Variants in RGL1 observed in about 807,000 individuals in gnomAD.
The protein encoded by RGL1 is ral guanine nucleotide dissociation stimulator-like 1.
Under a neutral mutation model 95.2 loss-of-function variants are expected in RGL1, and 24 were observed. The ratio of observed to expected loss-of-function variants is 0.25; its 90% CI spans 0.18 to 0.35. The LOEUF (loss-of-function observed/expected upper bound fraction) is 0.35, where lower values mean the gene tolerates loss of function less well. RGL1 is among the 10% of genes least tolerant of loss of function. RGL1 has a pLI of 1.00. For missense variants in RGL1, 715 were observed against 936.3 expected (o/e 0.76, Z 3.08); for synonymous variants, 329 against 344.9 (o/e 0.95, Z 0.51).
At chr1:183,728,791 T>G (rs913039454) in intron 1 of RGL1, among the ~76,000 whole-genome samples, 1 of 152,170 alleles carries the variant, frequency 6.6e-6, no homozygotes, top group African/African-American at 2.4e-5. Flanking sequence ...TTTTGACACA[T>G]AGATCAATTA....
chr1:183,808,286 T>G (rs1661477080), intron 2 of RGL1, among the ~76,000 whole-genome samples: 1 of 152,120 alleles, frequency 6.6e-6, no homozygotes, highest in Non-Finnish European at 1.5e-5. Flanking sequence ...TTATACAGAG[T>G]TCAGAGTTAA....
intron 2 of RGL1, among the ~76,000 whole-genome samples, chr1:183,808,230 A>G (rs568891134): frequency 6.6e-6 from 1 of 152,308 alleles, no homozygotes; most frequent in East Asian, 1.9e-4. Context: ...TCTTCACTAG[A>G]CTTCACTTCT....
At position 183,884,739 on chromosome 1, in the gene RGL1, T is replaced by C; in HGVS notation, c.752T>C (p.Val251Ala). 2 of 1,614,032 alleles carry C rather than the reference T, an allele frequency of 1.2e-6. No individual in the cohort carries two copies. The highest frequency in any genetic ancestry group is 1.7e-6 in the Non-Finnish European group (2 of 1,179,924). Residue 251 changes from valine (V) to alanine (A), a missense_variant, in exon 7 of 18, where the codon GTA becomes GCA. Coordinates refer to ENST00000360851, the MANE Select transcript of RGL1 (RefSeq NM_001297671.3). ...TYMDAQLFKK[V>A]VPHHCLGCIW... Reference sequence around the variant, plus strand: ...TTGTTCCAGCAACTCTTCAAGAAAGTAGTGCCTCACCACTGCCTGGGCTGC... The same window carrying C: ...TTGTTCCAGCAACTCTTCAAGAAAGCAGTGCCTCACCACTGCCTGGGCTGC...
chr1:183,882,684 A>T (rs1666890525), intron 5 of RGL1, among the ~76,000 whole-genome samples: 1 of 152,136 alleles, frequency 6.6e-6, no homozygotes, highest in South Asian at 2.1e-4. Context: ...CTCAAATCAC[A>T]TACCTGCCAC....
chr1:183,644,911 T>C (rs892196995), intron 1 of RGL1, among the ~76,000 whole-genome samples: 3 of 152,160 alleles, frequency 2.0e-5, no homozygotes, highest in Non-Finnish European at 2.9e-5. Flanking sequence ...TCTAGTCACA[T>C]AGAAAATCGA....
intron 1 of RGL1, among the ~76,000 whole-genome samples, chr1:183,637,785 AAG>A (rs1204082847): frequency 2.0e-5 from 3 of 152,178 alleles, no homozygotes; most frequent in Non-Finnish European, 4.4e-5. Flanking sequence ...GGAATGCCTT[AAG>A]ACAGCAAAGG....
At chr1:183,808,821 G>A (rs1025379361) in intron 2 of RGL1, among the ~76,000 whole-genome samples, 1 of 151,682 alleles carries the variant, frequency 6.6e-6, no homozygotes, top group Non-Finnish European at 1.5e-5. Context: ...GTTTGCCAGG[G>A]TCACACAGCT....
intron 1 of RGL1, among the ~76,000 whole-genome samples, chr1:183,707,858 A>C (rs1167967111): frequency 6.6e-6 from 1 of 151,910 alleles, no homozygotes; most frequent in Non-Finnish European, 1.5e-5. Flanking sequence ...AGACTGCTGG[A>C]TCAAACAAGG....
rs192505903 is a variant in RGL1 at position 183,827,041 on chromosome 1, G to A, written c.139-20525G>A. On this transcript the variant is annotated intron_variant, in intron 2 of 17. Transcript: ENST00000360851. ...AGGCTCAAGCAATTCTCGTGCCTTAGCCTCCTAAATAGCTGGGATTACAGG... is the reference window on the plus strand; with the variant it reads ...AGGCTCAAGCAATTCTCGTGCCTTAACCTCCTAAATAGCTGGGATTACAGG... 2.4e-3 allele frequency among the ~76,000 whole-genome samples: 358 copies of A among 152,158 alleles called. 1 individual carries two copies. The highest frequency in any genetic ancestry group is 8.2e-3 in the African/African-American group (339 of 41,504).
chr1:183,848,310 T>A (rs146993236), intron 3 of RGL1, among the ~76,000 whole-genome samples: 10 of 152,340 alleles, frequency 6.6e-5, no homozygotes, highest in African/African-American at 2.4e-4. Context: ...TTAAGCTACT[T>A]ATTACATAGA....
At chr1:183,679,033 AG>A (rs1653021912) in intron 1 of RGL1, among the ~76,000 whole-genome samples, 1 of 152,140 alleles carries the variant, frequency 6.6e-6, no homozygotes, top group African/African-American at 2.4e-5. Flanking sequence ...ATAGGTCCTA[AG>A]CATATCAGAG....
chr1:183,919,372 C>T (rs982043317), intron 16 of RGL1, among the ~76,000 whole-genome samples: 4 of 152,096 alleles, frequency 2.6e-5, no homozygotes, highest in South Asian at 4.1e-4. Context: ...ACCACTGGAC[C>T]GATTTGTGCT....
chr1:183,646,313 A>G (rs1176247116), intron 1 of RGL1: 2 of 152,160 alleles, frequency 1.3e-5, no homozygotes, highest in Non-Finnish European at 2.9e-5. Flanking sequence ...TTTTAACCAC[A>G]ATACTAATTG....
intron 2 of RGL1, among the ~76,000 whole-genome samples, chr1:183,755,883 C>CTTT (rs533584889): frequency 7.3e-6 from 1 of 136,446 alleles, no homozygotes; most frequent in Admixed American, 7.4e-5. Flanking sequence ...TGAGTTCATT[C>CTTT]TTTTTTTTTT....
upstream of RGL1, chr1:183,805,010 G>A (rs1417991719): frequency 6.2e-6 from 2 of 320,370 alleles, no homozygotes; most frequent in Non-Finnish European, 1.1e-5. Flanking sequence ...CCATGGGACT[G>A]AAGAAAGGGA....
intron 17 of RGL1, among the ~76,000 whole-genome samples, chr1:183,923,093 C>G (rs926442151): frequency 1.3e-5 from 2 of 152,168 alleles, no homozygotes; most frequent in African/African-American, 4.8e-5. Flanking sequence ...GTCTCTTCTC[C>G]AAGTGCAGAA....
chr1:183,777,466 G>A (rs1659661383), intron 2 of RGL1, among the ~76,000 whole-genome samples: 1 of 152,144 alleles, frequency 6.6e-6, no homozygotes, highest in African/African-American at 2.4e-5. Context: ...GGATGAAGGA[G>A]GATTACATTC....
intron 2 of RGL1, among the ~76,000 whole-genome samples, chr1:183,751,397 G>T (rs561227075): frequency 6.6e-6 from 1 of 152,292 alleles, no homozygotes; most frequent in South Asian, 2.1e-4. Flanking sequence ...CTCAGTAATG[G>T]TGGATGCAAG....
At chr1:183,840,273 A>T (rs2102514766) in intron 2 of RGL1, among the ~76,000 whole-genome samples, 1 of 152,292 alleles carries the variant, frequency 6.6e-6, no homozygotes, top group African/African-American at 2.4e-5. Flanking sequence ...TCCAGGCTTT[A>T]AGCCTTGCTT....
Sources: gnomAD v4.1 joint callset for allele counts (sites outside exome capture counted in the v4.1 genomes callset) on GRCh38, gnomAD v4.1.1 for gene constraint, MANE v1.5 for transcripts, NCBI Gene and HGNC (gene_info 2026-07-23, HGNC 2026-07-21) for gene names.